Variants in TACR3 observed in about 807,000 individuals in gnomAD.
The protein encoded by TACR3 is tachykinin receptor 3.
In TACR3, 34 loss-of-function variants were observed where a neutral mutation model predicts 35.0. That is an observed-to-expected ratio of 0.97 (90% confidence interval 0.74 to 1.30). The LOEUF (loss-of-function observed/expected upper bound fraction) is 1.30, where lower values mean the gene tolerates loss of function less well. Ranked by LOEUF, TACR3 falls within the 50% of genes most tolerant of loss-of-function variation. The pLI is 0.00. For missense variants in TACR3, 558 were observed against 591.7 expected, an observed-to-expected ratio of 0.94 and a Z score of 0.59; for synonymous variants, 233 against 221.1, an observed-to-expected ratio of 1.05 and a Z score of -0.48.
At chr4:103,611,524 G>A (rs1367389924) in intron 3 of TACR3, among the ~76,000 whole-genome samples, 4 of 152,094 alleles carry the variant, frequency 2.6e-5, no homozygotes, top group Non-Finnish European at 4.4e-5. Flanking sequence ...AAATTTGTTG[G>A]AGACCTTTTA....
At chr4:103,709,106 C>T (rs936887757) in intron 1 of TACR3, among the ~76,000 whole-genome samples, 20 of 152,168 alleles carry the variant, frequency 1.3e-4, no homozygotes, top group African/African-American at 4.6e-4. Flanking sequence ...AGGAGAATTT[C>T]CCCAACCTAC....
chr4:103,661,964 T>G (rs1725843324), intron 1 of TACR3, among the ~76,000 whole-genome samples: 2 of 152,182 alleles, frequency 1.3e-5, no homozygotes, highest in African/African-American at 4.8e-5. Flanking sequence ...ATACCATTTG[T>G]GAAGCAGACA....
intron 1 of TACR3, among the ~76,000 whole-genome samples, chr4:103,717,124 G>C (rs1435463619): frequency 6.6e-6 from 1 of 152,076 alleles, no homozygotes; most frequent in Non-Finnish European, 1.5e-5. Flanking sequence ...AGAAAGATTG[G>C]TAAACTATTG....
At chr4:103,623,470 C>T (rs572547779) in intron 3 of TACR3, among the ~76,000 whole-genome samples, 75 of 152,148 alleles carry the variant, frequency 4.9e-4, no homozygotes, top group African/African-American at 1.7e-3. Context: ...TAATCATAGA[C>T]TATAACAGCC....
At chr4:103,627,624 G>A (rs1181539843) in intron 3 of TACR3, among the ~76,000 whole-genome samples, 11 of 152,018 alleles carry the variant, frequency 7.2e-5, no homozygotes, top group Admixed American at 7.2e-4. Context: ...CCCAATACAG[G>A]AGCACCCAGA....
At chr4:103,625,641 A>G (rs1196628212) in intron 3 of TACR3, among the ~76,000 whole-genome samples, 1 of 152,168 alleles carries the variant, frequency 6.6e-6, no homozygotes, top group Non-Finnish European at 1.5e-5. Flanking sequence ...TGAAACCTGT[A>G]TCTTCATATT....
chr4:103,688,469 A>G (rs1388432196), intron 1 of TACR3, among the ~76,000 whole-genome samples: 2 of 150,850 alleles, frequency 1.3e-5, no homozygotes, highest in Non-Finnish European at 3.0e-5. Context: ...GCAACCCACA[A>G]AATGGGAGAA....
Position 103,719,875 on chromosome 4 carries a change from GC to G in TACR3, c.-201del, listed in dbSNP as rs1723176755. The G allele has an allele frequency of 1.6e-6, 1 of 644,916 alleles. No individual in the cohort carries two copies. Among genetic ancestry groups the G allele is most frequent in the African/African-American group, 1.8e-5 (1 of 54,718 alleles). 39.9% of individuals were successfully genotyped at this position (644,916 alleles called of 1,614,324 possible). ...GGGCAACAGCTGCACTTTCTCAGAG[GC>G]GCTTGCGGCTCTGGCAGGCAGAAAG... On this transcript the variant is annotated 5_prime_UTR_variant, in exon 1 of 5. Transcript: ENST00000304883.
intron 1 of TACR3, among the ~76,000 whole-genome samples, chr4:103,707,307 T>C (rs1236851051): frequency 2.6e-5 from 4 of 152,080 alleles, no homozygotes; most frequent in Non-Finnish European, 5.9e-5. Flanking sequence ...CAGAGACATA[T>C]TTGAAGTTTA....
At chr4:103,645,851 C>T (rs111778302) in intron 3 of TACR3, among the ~76,000 whole-genome samples, 18,819 of 151,724 alleles carry the variant, frequency 0.12, 1,376 homozygotes, top group Non-Finnish European at 0.17. Flanking sequence ...TTTCAGCAAA[C>T]GGAGCATAAT....
intron 3 of TACR3, among the ~76,000 whole-genome samples, chr4:103,606,948 G>C (rs1189120240): frequency 1.3e-5 from 2 of 152,018 alleles, no homozygotes; most frequent in Non-Finnish European, 2.9e-5. Context: ...GTATGATATT[G>C]GCTGTGGGTT....
rs1438107821 is a variant in TACR3 at position 103,712,129 on chromosome 4, A to T, written c.548+6999T>A. On this transcript the variant is annotated intron_variant, in intron 1 of 4. Coordinates refer to ENST00000304883, the MANE Select transcript of TACR3 (RefSeq NM_001059.3). The stretch of plus-strand genomic sequence containing the variant: ...AAGCTACCAATGACTTTCTTCACAG[A>T]ATTGGAAAAAAACTACTGTCAAGTT... Among the ~76,000 whole-genome samples the T allele has an allele frequency of 3.3e-5, 5 of 152,180 alleles. No individual in the cohort carries two copies. The South Asian group carries it at 8.3e-4, about 25-fold the overall frequency.
At chr4:103,671,267 T>C (rs1314208599) in intron 1 of TACR3, among the ~76,000 whole-genome samples, 2 of 152,028 alleles carry the variant, frequency 1.3e-5, no homozygotes, top group African/African-American at 4.8e-5. Flanking sequence ...GTAGTGTCTC[T>C]GCCTGGTTTT....
Position 103,716,129 on chromosome 4 carries a change from T to TA in TACR3, c.548+2998dup, listed in dbSNP as rs1179944594. ...AGCTTATCATCTTTGAGGCAAGTGTTACATTTATATGTTATTTTTCAAAAT... is the reference window on the plus strand; with the variant it reads ...AGCTTATCATCTTTGAGGCAAGTGTTAACATTTATATGTTATTTTTCAAAAT... On this transcript the variant is annotated intron_variant, in intron 1 of 4. Transcript: ENST00000304883. Among the ~76,000 whole-genome samples, 3 of 152,114 alleles carry TA rather than the reference T, an allele frequency of 2.0e-5. No individual in the cohort carries two copies. The South Asian group carries it at 6.2e-4, about 31-fold the overall frequency.
At chr4:103,718,826 C>T (rs961406262) in intron 1 of TACR3, among the ~76,000 whole-genome samples, 2 of 152,142 alleles carry the variant, frequency 1.3e-5, no homozygotes, top group Non-Finnish European at 1.5e-5. Context: ...ACGTTTCTAG[C>T]TAAGTTTGCC....
intron 3 of TACR3, among the ~76,000 whole-genome samples, chr4:103,621,381 T>C (rs1724779434): frequency 6.6e-6 from 1 of 152,214 alleles, no homozygotes; most frequent in Non-Finnish European, 1.5e-5. Context: ...AATATGTGTT[T>C]ACAGGTCAGA....
chr4:103,666,247 A>G (rs1347338127), intron 1 of TACR3, among the ~76,000 whole-genome samples: 1 of 152,212 alleles, frequency 6.6e-6, no homozygotes. Flanking sequence ...GACATTAGGT[A>G]TAACTTCCAC....
At chr4:103,625,652 A>G (rs1012574560) in intron 3 of TACR3, among the ~76,000 whole-genome samples, 1 of 152,210 alleles carries the variant, frequency 6.6e-6, no homozygotes, top group Non-Finnish European at 1.5e-5. Context: ...TCTTCATATT[A>G]GAGCAGAATT....
At chr4:103,713,478 G>C (rs1269482654) in intron 1 of TACR3, among the ~76,000 whole-genome samples, 6 of 85,456 alleles carry the variant, frequency 7.0e-5, no homozygotes. Flanking sequence ...GTCATGGGGT[G>C]GGGGGAGGGG....
Sources: allele counts gnomAD v4.1 joint callset (sites outside exome capture counted in the v4.1 genomes callset), GRCh38; gene constraint gnomAD v4.1.1; transcripts MANE v1.5; gene names NCBI Gene and HGNC (gene_info 2026-07-23, HGNC 2026-07-21).